The following FLII variants were observed in gnomAD, a reference collection of about 807,000 sequenced individuals.
FLII encodes FLII actin remodeling protein.
In FLII, 101 loss-of-function variants were observed where a neutral mutation model predicts 156.2. The observed-to-expected ratio is 0.65, with a 90% CI of 0.55 to 0.76. The LOEUF (loss-of-function observed/expected upper bound fraction) is 0.76. Ranked by LOEUF, FLII falls within the 30% of genes least tolerant of loss-of-function variation. The pLI, the probability that FLII is intolerant of heterozygous loss-of-function variation, is 0.00. For synonymous variants in FLII, 767 were observed against 685.8 expected, an observed-to-expected ratio of 1.12 and a Z score of -1.85; for missense variants, 1,675 against 1,682.8, an observed-to-expected ratio of 1.00 and a Z score of 0.08.
Position 18,247,930 on chromosome 17 carries a change from A to T in FLII, c.2294T>A (p.Leu765Gln). 2.5e-6 allele frequency: 4 copies of T among 1,613,978 alleles called. No homozygotes were observed. Among genetic ancestry groups the T allele is most frequent in the Non-Finnish European group, 3.4e-6 (4 of 1,179,830 alleles). ...PKVELMPRMR[L>Q]LQSLLDTRCV... ...ACGCCCTCCTCCTGCATCTCTTACCAGCCGCATTCTTGGCATCAGCTCCAC... is the reference window on the plus strand; with the variant it reads ...ACGCCCTCCTCCTGCATCTCTTACCTGCCGCATTCTTGGCATCAGCTCCAC... Residue 765 changes from leucine to glutamine, a missense_variant and splice_region_variant, in exon 19 of 30, where the codon CTG becomes CAG. Physicochemically the swap from Leu to Gln is moderately radical, Grantham distance 113. This residue lies in a region of FLII where 1,332 missense variants were observed against 1,269.3 expected (regional missense o/e 1.05). Coordinates refer to ENST00000327031, the MANE Select transcript of FLII (RefSeq NM_002018.4).
At position 18,248,863 on chromosome 17, in the gene FLII, C is replaced by T. The variant is rs573138320; in HGVS notation, c.1955G>A (p.Arg652Gln). The change falls in exon 17 of 30, where the codon CGA (arginine) becomes CAA (glutamine). Residue 652 changes from arginine (R) to glutamine (Q), a missense_variant. Arg to Gln is a conservative substitution (Grantham distance 43, BLOSUM62 1). This residue lies in a region of FLII where 1,332 missense variants were observed against 1,269.3 expected (regional missense o/e 1.05). Transcript: ENST00000327031. ...CCGCCATACGTAGATGTCTAGCCCT[C>T]GGTCCAGCAGGAAAACAAACCTGGA... Reference protein sequence around the residue: ...LDPRFVFLLDRGLDIYVWRGA... With the variant: ...LDPRFVFLLDQGLDIYVWRGA... 47 of 1,613,820 alleles carry T rather than the reference C, an allele frequency of 2.9e-5. 1 individual carries two copies. In the South Asian group the frequency reaches 3.8e-4, roughly 13 times the overall value.
At chr17:18,257,161 G>A in intron 1 of FLII, 142 bp from the exon 2 acceptor site, 1 of 571,370 alleles carries the variant, frequency 1.8e-6, no homozygotes, top group South Asian at 2.2e-5. Context: ...TCATCATTGT[G>A]CCTCAATTTC....
At position 18,256,900 on chromosome 17, in the gene FLII, C is replaced by A. The variant is rs779582369; in HGVS notation, c.174+9G>T. On this transcript the variant is annotated intron_variant, in intron 2 of 29. Coordinates refer to ENST00000327031, the MANE Select transcript of FLII (RefSeq NM_002018.4). ...AGGGACCCTCCCCTGCCCGCCCAAACCCCCTTACCAGCTTCTGCAGGGCGG... is the reference window on the plus strand; with the variant it reads ...AGGGACCCTCCCCTGCCCGCCCAAAACCCCTTACCAGCTTCTGCAGGGCGG... 2.5e-6 allele frequency: 4 copies of A among 1,590,614 alleles called. No individual in the cohort carries two copies. The highest frequency in any genetic ancestry group is 2.6e-6 in the Non-Finnish European group (3 of 1,165,294).
At chr17:18,251,129 CT>C in intron 13 of FLII, 112 bp from the exon 14 acceptor site, 1 of 1,421,706 alleles carries the variant, frequency 7.0e-7, no homozygotes, top group South Asian at 1.3e-5. Flanking sequence ...TGTACTGCCC[CT>C]GTGCCTGGAC....
chr17:18,256,502 G>A (rs969091138), intron 3 of FLII, 24 bp downstream of exon 3: 16 of 1,545,944 alleles, frequency 1.0e-5, no homozygotes, highest in Non-Finnish European at 1.2e-5. Context: ...CCCCAAGCTC[G>A]GTGGCCTCCC....
In FLII at chr17:18,245,057, C is replaced by T. The variant is rs1192768948; in HGVS notation, c.*81G>A. ...GACGTGGCTGGAGCAGGTGGTGTCA[C>T]CTGAGTACATTCTTTGCTAGCAGAC... On this transcript the variant is annotated 3_prime_UTR_variant, in exon 30 of 30. Coordinates refer to ENST00000327031, the MANE Select transcript of FLII (RefSeq NM_002018.4). 2.7e-6 allele frequency: 4 copies of T among 1,498,628 alleles called. No homozygotes were observed. Among genetic ancestry groups the T allele is most frequent in the Non-Finnish European group, 3.6e-6 (4 of 1,101,744 alleles). 92.8% of individuals were successfully genotyped at this position (1,498,628 alleles called of 1,614,324 possible).
In FLII at chr17:18,245,082, C is replaced by G. The variant is rs749037386; in HGVS notation, c.*56G>C. On this transcript the variant is annotated 3_prime_UTR_variant, in exon 30 of 30. Coordinates refer to ENST00000327031, the MANE Select transcript of FLII (RefSeq NM_002018.4). ...CCTGAGTACATTCTTTGCTAGCAGA[C>G]AGTGGATGAGGCCCCTTCCTCTTCC... is the stretch of plus-strand genomic sequence containing the variant. The G allele has an allele frequency of 1.3e-6, 2 of 1,558,044 alleles. No homozygotes were observed. The highest frequency in any genetic ancestry group is 1.7e-6 in the Non-Finnish European group (2 of 1,144,896).
In FLII at chr17:18,247,200, A is replaced by G; in HGVS notation, c.2645T>C (p.Leu882Pro). Residue 882 changes from leucine (L) to proline (P), a missense_variant, in exon 21 of 30, where the codon CTG (leucine) becomes CCG (proline). Coordinates refer to ENST00000327031, the MANE Select transcript of FLII (RefSeq NM_002018.4). Reference protein sequence around the residue: ...QMKADLTALFLPRQPPMSLAE... With the variant: ...QMKADLTALFPPRQPPMSLAE... Reference sequence around the variant, plus strand: ...CAGCGACATGGGCGGCTGCCGCGGCAGGAAAAGCGCAGTGAGGTCAGCCTT... The same window carrying G: ...CAGCGACATGGGCGGCTGCCGCGGCGGGAAAAGCGCAGTGAGGTCAGCCTT... 1 of 1,503,020 alleles carries G rather than the reference A, an allele frequency of 6.7e-7. No individual in the cohort carries two copies. The highest frequency in any genetic ancestry group is 2.8e-5 in the East Asian group (1 of 35,502). The allele number at this position is 1,503,020 out of a possible 1,614,324, so 93.1% of individuals were successfully genotyped here.
intron 10 of FLII, 74 bp from the exon 11 acceptor site, chr17:18,252,220 C>A: frequency 1.4e-6 from 2 of 1,408,912 alleles, no homozygotes; most frequent in Non-Finnish European, 2.0e-6. Flanking sequence ...CAGTTTCTTG[C>A]TCTTGTCTGC....
At position 18,256,965 on chromosome 17, in the gene FLII, G is replaced by C. The variant is rs751284309; in HGVS notation, c.118C>G (p.Leu40Val). ...AGGTAGCAGAGGCCAGTGCGGTTCA[G>C]CTTCAGCCACCGCAGGCTGGTCATG... is the stretch of plus-strand genomic sequence containing the variant. Reference protein sequence around the residue: ...KAMTSLRWLKLNRTGLCYLPE... With the variant: ...KAMTSLRWLKVNRTGLCYLPE... Residue 40 changes from leucine to valine, a missense_variant, in exon 2 of 30, where the codon CTG (leucine) becomes GTG (valine). Coordinates refer to ENST00000327031, the MANE Select transcript of FLII (RefSeq NM_002018.4). 1 of 1,612,106 alleles carries C rather than the reference G, an allele frequency of 6.2e-7. No individual in the cohort carries two copies. Among genetic ancestry groups the C allele is most frequent in the African/African-American group, 1.3e-5 (1 of 75,006 alleles).
At position 18,248,569 on chromosome 17, in the gene FLII, G is replaced by A. The variant is rs576073545; in HGVS notation, c.2171C>T (p.Pro724Leu). 302 of 1,610,826 alleles carry A rather than the reference G, an allele frequency of 1.9e-4. 6 individuals are homozygous for A. In the South Asian group the frequency reaches 2.4e-3, roughly 13 times the overall value. ...GCTCACCTTGTACAGCTTGGGCTGC[G>A]GCGGCCAGAAGTCTTCAGGCACGTG... ...KKHVPEDFWP[P>L]QPKLYKVGLG... The change falls in exon 18 of 30, where the codon CCG becomes CTG. Residue 724 changes from proline to leucine, a missense_variant. Transcript: ENST00000327031.
intron 10 of FLII, 29 bp from the exon 11 acceptor site, chr17:18,252,175 C>A (rs1597914827): frequency 1.3e-5 from 20 of 1,597,672 alleles, no homozygotes; most frequent in Admixed American, 1.7e-5. Flanking sequence ...AGAGCCGGCA[C>A]TGAGCCTGGG....
At chr17:18,255,767 C>T (rs1011586460) in intron 3 of FLII, among the ~76,000 whole-genome samples, 1 of 152,152 alleles carries the variant, frequency 6.6e-6, no homozygotes, top group African/African-American at 2.4e-5. Flanking sequence ...CGGGAGTCAC[C>T]GGAGCTGCCC....
chr17:18,250,722 ACCC>A, intron 14 of FLII, 113 bp downstream of exon 14: 1 of 1,145,246 alleles, frequency 8.7e-7, no homozygotes, highest in Non-Finnish European at 1.3e-6. Flanking sequence ...ACCCCCTTTA[ACCC>A]CAGCTCCCTG....
chr17:18,257,069 C>G, intron 1 of FLII, 50 bp from the exon 2 acceptor site: 1 of 1,257,618 alleles, frequency 8.0e-7, no homozygotes, highest in Non-Finnish European at 1.1e-6. Context: ...TCACCACCTT[C>G]TATGGCTCCT....
intron 7 of FLII, 84 bp from the exon 8 acceptor site, chr17:18,253,803 C>CCA: frequency 7.5e-7 from 1 of 1,336,048 alleles, no homozygotes; most frequent in Middle Eastern, 2.6e-4. Context: ...CCCAGCTCTG[C>CCA]CACCTCTGAG....
chr17:18,246,933 G>C lies in FLII; in HGVS notation c.2796C>G (p.Asp932Glu), dbSNP rs959552817. Residue 932 changes from aspartate to glutamate, a missense_variant, in exon 22 of 30, where the codon GAC becomes GAG. Physicochemically the swap from Asp to Glu is conservative, Grantham distance 45 (BLOSUM62 2). Around this residue, in one of 2 missense-constraint regions of FLII, gnomAD observed 1,332 missense variants for 1,269.3 expected, o/e 1.05. Transcript: ENST00000327031. ...GGTACCTGCAGAGGAAGACGTAGCA[G>C]TCCTGCGTGTAGAAGTGGCCAAACT... is the stretch of plus-strand genomic sequence containing the variant. ...EEEFGHFYTQ[D>E]CYVFLCRYWV... The C allele has an allele frequency of 6.8e-6, 11 of 1,614,072 alleles. No homozygotes were observed. The African/African-American group carries it at 1.1e-4, about 16-fold the overall frequency.
chr17:18,252,249 G>T, intron 10 of FLII, 103 bp from the exon 11 acceptor site: 1 of 1,158,526 alleles, frequency 8.6e-7, no homozygotes, highest in Non-Finnish European at 1.3e-6. Flanking sequence ...GGGCTGAGAG[G>T]TCAGGGAACT....
chr17:18,253,220 G>T, intron 9 of FLII, 81 bp downstream of exon 9: 2 of 1,460,810 alleles, frequency 1.4e-6, no homozygotes, highest in Non-Finnish European at 1.9e-6. Context: ...GACTTGCACA[G>T]ACCACAAGGT....
Sources: gnomAD v4.1 joint callset for allele counts (sites outside exome capture counted in the v4.1 genomes callset) on GRCh38, gnomAD v4.1.1 for gene constraint, gnomAD v4.1.1 regional missense constraint, MANE v1.5 for transcripts, NCBI Gene and HGNC (gene_info 2026-07-23, HGNC 2026-07-21) for gene names.